The following CHCHD6 variants were observed in gnomAD, a reference collection of about 807,000 sequenced individuals.
The protein encoded by CHCHD6 is coiled-coil-helix-coiled-coil-helix domain containing 6.
CHCHD6 carries 28 observed loss-of-function variants against 32.3 expected under a neutral mutation model. That is an observed-to-expected ratio of 0.87 (90% confidence interval 0.64 to 1.19). The LOEUF (loss-of-function observed/expected upper bound fraction) is 1.19. Among genes scored for constraint, CHCHD6 ranks in the 50% most tolerant of loss-of-function variants. CHCHD6 has a pLI of 0.00. For synonymous variants in CHCHD6, 122 were observed against 117.5 expected (o/e 1.04, Z -0.25); for missense variants, 333 against 307.0 (o/e 1.08, Z -0.63).
chr3:126,873,038 A>G (rs1170573419), intron 5 of CHCHD6, among the ~76,000 whole-genome samples: 2 of 152,196 alleles, frequency 1.3e-5, no homozygotes, highest in Admixed American at 6.5e-5. Flanking sequence ...TGCTTTTGCT[A>G]CTTCCTTGAA....
At chr3:126,941,613 CACT>C (rs1040186939) in intron 6 of CHCHD6, among the ~76,000 whole-genome samples, 1 of 152,156 alleles carries the variant, frequency 6.6e-6, no homozygotes, top group Non-Finnish European at 1.5e-5. Flanking sequence ...AAATTGCCGT[CACT>C]GTTGGTCTAT....
rs187458762 is a variant in CHCHD6 at position 126,798,092 on chromosome 3, A to G, written c.412-54555A>G. On this transcript the variant is annotated intron_variant, in intron 4 of 7. Coordinates refer to ENST00000290913, the MANE Select transcript of CHCHD6 (RefSeq NM_032343.3). ...GCTTCACAGTTTGAAGCACAGAATT[A>G]TAACAGAGGGGTGGCAGGAGGGAAA... 2.8e-4 allele frequency among the ~76,000 whole-genome samples: 43 copies of G among 152,250 alleles called. No individual in the cohort carries two copies. In the East Asian group the frequency reaches 4.6e-3, roughly 16 times the overall value.
At chr3:126,950,725 C>T (rs1481608949) in intron 6 of CHCHD6, among the ~76,000 whole-genome samples, 1 of 152,128 alleles carries the variant, frequency 6.6e-6, no homozygotes, top group Non-Finnish European at 1.5e-5. Context: ...GCTAGGATTA[C>T]AGGCATGAGC....
At chr3:126,911,180 G>C (rs1203604671) in intron 5 of CHCHD6, among the ~76,000 whole-genome samples, 1 of 152,194 alleles carries the variant, frequency 6.6e-6, no homozygotes, top group Non-Finnish European at 1.5e-5. Context: ...GACTGGCTGA[G>C]TACCCCATTG....
chr3:126,716,677 G>A (rs370400529), intron 1 of CHCHD6, among the ~76,000 whole-genome samples: 10 of 152,116 alleles, frequency 6.6e-5, no homozygotes, highest in Admixed American at 6.5e-4. Context: ...GAGCATCATG[G>A]AATCCCTGCG....
chr3:126,916,011 G>T (rs902249013), intron 6 of CHCHD6, among the ~76,000 whole-genome samples: 5 of 152,082 alleles, frequency 3.3e-5, no homozygotes, highest in African/African-American at 1.2e-4. Context: ...TAGTGTAGGG[G>T]TTTTATTCTT....
At chr3:126,807,172 C>G (rs990225331) in intron 4 of CHCHD6, among the ~76,000 whole-genome samples, 1 of 150,382 alleles carries the variant, frequency 6.6e-6, no homozygotes, top group African/African-American at 2.5e-5. Context: ...ACATTGTGCA[C>G]ATGTACCCTA....
intron 6 of CHCHD6, among the ~76,000 whole-genome samples, chr3:126,921,800 A>G (rs1359269054): frequency 1.3e-5 from 2 of 152,234 alleles, no homozygotes; most frequent in Non-Finnish European, 2.9e-5. Context: ...ACTCTGGGAC[A>G]GTCTTTAGGA....
chr3:126,891,602 A>G (rs1032861419), intron 5 of CHCHD6, among the ~76,000 whole-genome samples: 2 of 152,178 alleles, frequency 1.3e-5, no homozygotes, highest in African/African-American at 4.8e-5. Flanking sequence ...AGGGTAAGCC[A>G]GTAGCGTGAG....
At chr3:126,792,079 T>G (rs1050264077) in intron 4 of CHCHD6, among the ~76,000 whole-genome samples, 1 of 152,110 alleles carries the variant, frequency 6.6e-6, no homozygotes, top group African/African-American at 2.4e-5. Context: ...TAATATTCCA[T>G]TGTGTATATA....
intron 5 of CHCHD6, among the ~76,000 whole-genome samples, chr3:126,854,099 G>A (rs1033572699): frequency 4.0e-4 from 61 of 152,242 alleles, no homozygotes; most frequent in African/African-American, 1.4e-3. Context: ...TTTTCCTCTT[G>A]TCATTCTCCC....
chr3:126,934,792 G>A (rs1284181080), intron 6 of CHCHD6, among the ~76,000 whole-genome samples: 4 of 151,876 alleles, frequency 2.6e-5, no homozygotes, highest in African/African-American at 9.7e-5. Flanking sequence ...CTCATGATCC[G>A]CCCGCCTCGG....
chr3:126,722,135 C>T (rs930519448), intron 1 of CHCHD6, among the ~76,000 whole-genome samples: 1 of 152,126 alleles, frequency 6.6e-6, no homozygotes, highest in African/African-American at 2.4e-5. Context: ...CTCGCAAATA[C>T]TTATTATAAT....
intron 5 of CHCHD6, among the ~76,000 whole-genome samples, chr3:126,887,251 C>CT (rs879774653): frequency 8.4e-4 from 122 of 145,424 alleles, no homozygotes; most frequent in African/African-American, 1.2e-3. Context: ...TGCTGAGCAT[C>CT]TTTTTTTTTT....
intron 5 of CHCHD6, among the ~76,000 whole-genome samples, chr3:126,863,826 T>C (rs370893241): frequency 0.011 from 430 of 40,692 alleles, 4 homozygotes; most frequent in South Asian, 0.05. Context: ...CCTCCTCCTC[T>C]ACCATCACCA....
chr3:126,924,881 A>T (rs1378329631), intron 6 of CHCHD6, among the ~76,000 whole-genome samples: 1 of 152,210 alleles, frequency 6.6e-6, no homozygotes, highest in African/African-American at 2.4e-5. Flanking sequence ...CTGAGGTCGC[A>T]GGAAAGGTGG....
chr3:126,837,337 G>A (rs1281911563), intron 4 of CHCHD6, among the ~76,000 whole-genome samples: 1 of 152,104 alleles, frequency 6.6e-6, no homozygotes. Flanking sequence ...GACAAGGCAG[G>A]AGGATTGCTT....
chr3:126,742,064 T>G (rs969301444), intron 4 of CHCHD6, among the ~76,000 whole-genome samples: 1 of 152,204 alleles, frequency 6.6e-6, no homozygotes, highest in Non-Finnish European at 1.5e-5. Context: ...GTGTTACCAC[T>G]CCCTTGGTGA....
intron 1 of CHCHD6, among the ~76,000 whole-genome samples, chr3:126,705,402 T>C (rs1043242343): frequency 6.6e-6 from 1 of 152,228 alleles, no homozygotes; most frequent in Non-Finnish European, 1.5e-5. Flanking sequence ...GGGCCATGCG[T>C]TGGACTAAAC....
Sources: gnomAD v4.1 joint callset for allele counts (sites outside exome capture counted in the v4.1 genomes callset) on GRCh38, gnomAD v4.1.1 for gene constraint, MANE v1.5 for transcripts, NCBI Gene and HGNC (gene_info 2026-07-23, HGNC 2026-07-21) for gene names.